The following STPG2 variants were observed in gnomAD, a reference collection of about 807,000 sequenced individuals.
STPG2 encodes sperm-tail PG-rich repeat-containing protein 2.
Under a neutral mutation model 54.2 loss-of-function variants are expected in STPG2, and 56 were observed. The observed-to-expected ratio is 1.03, with a 90% CI of 0.83 to 1.29. The LOEUF is 1.29. STPG2 is among the 50% of genes most tolerant of loss of function. STPG2 has a pLI of 0.00. For synonymous variants in STPG2, 200 were observed against 181.8 expected (o/e 1.10, Z -0.81); for missense variants, 596 against 544.9 (o/e 1.09, Z -0.93).
chr4:97,874,190 T>C (rs1201550555), intron 8 of STPG2, among the ~76,000 whole-genome samples: 1 of 151,746 alleles, frequency 6.6e-6, no homozygotes, highest in Non-Finnish European at 1.5e-5. Context: ...AAATTAGTTA[T>C]TTAAAACTCC....
At chr4:98,008,013 A>G (rs1527520) in intron 5 of STPG2, among the ~76,000 whole-genome samples, 59,893 of 151,874 alleles carry the variant, frequency 0.39, 12,045 homozygotes, top group Middle Eastern at 0.46. Context: ...AAAGCAAAAT[A>G]TTTGGAAAAT....
At chr4:97,727,065 C>T (rs1560503896) in intron 9 of STPG2, among the ~76,000 whole-genome samples, 1 of 151,844 alleles carries the variant, frequency 6.6e-6, no homozygotes, top group African/African-American at 2.4e-5. Context: ...ATATCTGAGT[C>T]TTTAAGTGTA....
At chr4:97,541,508 A>G (rs542102761) in intron 4 of STPG2, among the ~76,000 whole-genome samples, 7 of 152,276 alleles carry the variant, frequency 4.6e-5, no homozygotes, top group African/African-American at 1.4e-4. Context: ...ATGCTCATGG[A>G]TAGGAAGAAT....
At chr4:97,966,992 C>T (rs1055937242) in intron 7 of STPG2, among the ~76,000 whole-genome samples, 1 of 152,078 alleles carries the variant, frequency 6.6e-6, no homozygotes, top group African/African-American at 2.4e-5. Context: ...ATGACAGGAT[C>T]AAATTCACAC....
chr4:98,086,785 T>C (rs959085621), intron 5 of STPG2, among the ~76,000 whole-genome samples: 1 of 151,512 alleles, frequency 6.6e-6, no homozygotes, highest in African/African-American at 2.4e-5. Flanking sequence ...ATTGCAACCA[T>C]CTTATCATAT....
intron 4 of STPG2, among the ~76,000 whole-genome samples, chr4:97,454,981 A>C (rs1199711480): frequency 6.6e-6 from 1 of 152,196 alleles, no homozygotes; most frequent in Non-Finnish European, 1.5e-5. Context: ...CTACTACAGC[A>C]CTTCAAGTCT....
Position 97,574,735 on chromosome 4 carries a change from A to C in STPG2, c.1321-15618T>G, listed in dbSNP as rs553267503. ...AAAGTGGTGGGAGGAGGTCAGAAAG[A>C]CCTTTCTGCTTCTGTGGATTTTTAA... On this transcript the variant is annotated intron_variant, in intron 10 of 10. Transcript: ENST00000295268. Among the ~76,000 whole-genome samples the C allele has an allele frequency of 4.6e-5, 7 of 152,126 alleles. No homozygotes were observed. In the East Asian group the frequency reaches 1.4e-3, roughly 29 times the overall value.
chr4:97,616,127 G>T (rs1560686993), intron 10 of STPG2, among the ~76,000 whole-genome samples: 3 of 76,946 alleles, frequency 3.9e-5, no homozygotes, highest in Non-Finnish European at 9.0e-5. Flanking sequence ...ACAAAATAAA[G>T]CCATGTTAAG....
rs761294269 is a variant in STPG2 at position 97,827,771 on chromosome 4, C to T, written c.1204+13002G>A. Among the ~76,000 whole-genome samples, 8 of 152,108 alleles carry T rather than the reference C, an allele frequency of 5.3e-5. No homozygotes were observed. The South Asian group carries it at 6.2e-4, about 12-fold the overall frequency. ...GACTGGAATGGCACACTTTCCTTTA[C>T]GGAATCAAACTTGACTTATAAAGCC... is the stretch of plus-strand genomic sequence containing the variant. On this transcript the variant is annotated intron_variant, in intron 9 of 10. Coordinates refer to ENST00000295268, the MANE Select transcript of STPG2 (RefSeq NM_174952.3).
chr4:97,849,425 C>A (rs887619897), intron 8 of STPG2, among the ~76,000 whole-genome samples: 5 of 151,806 alleles, frequency 3.3e-5, no homozygotes, highest in Non-Finnish European at 5.9e-5. Context: ...CAAATAGGAT[C>A]TCATTAAACT....
intron 8 of STPG2, among the ~76,000 whole-genome samples, chr4:97,879,783 T>C (rs757608913): frequency 6.6e-6 from 1 of 152,146 alleles, no homozygotes; most frequent in Non-Finnish European, 1.5e-5. Context: ...CCTGTTAGAA[T>C]GGTAATCAAA....
At chr4:97,622,597 C>G (rs999666690) in intron 10 of STPG2, among the ~76,000 whole-genome samples, 3 of 152,026 alleles carry the variant, frequency 2.0e-5, no homozygotes, top group African/African-American at 7.2e-5. Context: ...TTACAAAACA[C>G]TGCACAAAGA....
intron 5 of STPG2, among the ~76,000 whole-genome samples, chr4:98,043,970 G>A (rs1382474754): frequency 6.6e-6 from 1 of 151,718 alleles, no homozygotes; most frequent in Non-Finnish European, 1.5e-5. Flanking sequence ...TCCCTTCTTT[G>A]TGTTCATGAG....
In STPG2 at chr4:97,687,559, C is replaced by T. The variant is rs539992321; in HGVS notation, c.1320+25140G>A. ...TTCACCACGTTGGCCAAGCTGGTCT[C>T]GAACTCCTGACCCCAGGTGATCCAT... On this transcript the variant is annotated intron_variant, in intron 10 of 10. Coordinates refer to ENST00000295268, the MANE Select transcript of STPG2 (RefSeq NM_174952.3). Among the ~76,000 whole-genome samples, 217 of 151,984 alleles carry T rather than the reference C, an allele frequency of 1.4e-3. 1 individual carries two copies. Among genetic ancestry groups the T allele is most frequent in the Non-Finnish European group, 2.6e-3 (180 of 67,968 alleles).
intron 4 of STPG2, among the ~76,000 whole-genome samples, chr4:97,468,013 A>T (rs1385416644): frequency 6.6e-6 from 1 of 151,974 alleles, no homozygotes; most frequent in Non-Finnish European, 1.5e-5. Context: ...GCATGTTTAA[A>T]GATTTTGCTA....
rs544045386 is a variant in STPG2, at chr4:97,810,792, GA to G, written c.1204+29980del. Among the ~76,000 whole-genome samples the G allele has an allele frequency of 1.7e-3, 266 of 152,260 alleles. 2 individuals are homozygous for G. Among genetic ancestry groups the G allele is most frequent in the African/African-American group, 6.0e-3 (248 of 41,566 alleles). ...TTCCACATTTATATAAAATGTTACA[GA>G]AAGCTATTCTTTACAAAAATTATCA... On this transcript the variant is annotated intron_variant, in intron 9 of 10. Transcript: ENST00000295268.
chr4:97,517,154 C>T (rs546008928), intron 4 of STPG2, among the ~76,000 whole-genome samples: 5 of 151,984 alleles, frequency 3.3e-5, no homozygotes, highest in South Asian at 2.1e-4. Context: ...GTGATTCGCC[C>T]GACTTGGCCT....
chr4:97,620,766 A>T (rs1359330567), intron 10 of STPG2, among the ~76,000 whole-genome samples: 1 of 152,160 alleles, frequency 6.6e-6, no homozygotes, highest in Non-Finnish European at 1.5e-5. Context: ...GATATTCAGG[A>T]CTTGAACTCA....
At chr4:97,509,173 T>C (rs528302236) in intron 4 of STPG2, among the ~76,000 whole-genome samples, 12 of 152,214 alleles carry the variant, frequency 7.9e-5, no homozygotes, top group Non-Finnish European at 1.8e-4. Flanking sequence ...CTGGTCCGTT[T>C]CTGTCTTTGC....
Sources: gnomAD v4.1 joint callset for allele counts (sites outside exome capture counted in the v4.1 genomes callset) on GRCh38, gnomAD v4.1.1 for gene constraint, MANE v1.5 for transcripts, NCBI Gene and HGNC (gene_info 2026-07-23, HGNC 2026-07-21) for gene names.